HEATR4: variants seen among roughly 807,000 people sequenced by gnomAD.
HEATR4 encodes the protein HEAT repeat containing 4.
In HEATR4, 95 loss-of-function variants were observed where a neutral mutation model predicts 108.8. That is an observed-to-expected ratio of 0.87 (90% CI 0.74 to 1.04). HEATR4 has a LOEUF of 1.04. Among genes scored for constraint, HEATR4 ranks in the 50% least tolerant of loss-of-function variants. The probability of loss-of-function intolerance (pLI) is 0.00; values close to 1 mark genes in which losing one functional copy is unlikely to be tolerated. For missense variants in HEATR4, 1,152 were observed against 1,253.8 expected, an observed-to-expected ratio of 0.92 and a Z score of 1.23; for synonymous variants, 443 against 459.4, an observed-to-expected ratio of 0.96 and a Z score of 0.46.
intron 7 of HEATR4, among the ~76,000 whole-genome samples, chr14:73,510,442 G>GTT (rs534233886): frequency 1.1e-4 from 16 of 146,862 alleles, no homozygotes; most frequent in African/African-American, 2.2e-4. Flanking sequence ...TTTTGTTTTT[G>GTT]TTTTTTTTTT....
At chr14:73,527,560 A>AT (rs1217794701) in intron 2 of HEATR4, among the ~76,000 whole-genome samples, 2 of 151,448 alleles carry the variant, frequency 1.3e-5, no homozygotes, top group East Asian at 1.9e-4. Flanking sequence ...AAAAGAAAAA[A>AT]AATCAAGCAT....
chr14:73,602,854 G>C, the HEATR4 span, among the ~76,000 whole-genome samples: 1 of 152,028 alleles, frequency 6.6e-6, no homozygotes, highest in South Asian at 2.1e-4. Context: ...AAATGCTTCA[G>C]GGGCCCTCTG....
the HEATR4 span, among the ~76,000 whole-genome samples, chr14:73,590,636 C>T: frequency 6.6e-6 from 1 of 152,190 alleles, no homozygotes; most frequent in Non-Finnish European, 1.5e-5. Context: ...GGGGAGGCAG[C>T]TAAGGCCCGC....
At position 73,547,282 on chromosome 14, in the gene HEATR4, G is replaced by A. The variant is rs1889248025; in HGVS notation, c.-152+11469C>T. Among the ~76,000 whole-genome samples the A allele has an allele frequency of 1.7e-5, 2 of 115,496 alleles. 1 individual carries two copies. Among genetic ancestry groups the A allele is most frequent in the African/African-American group, 5.6e-5 (2 of 35,790 alleles). The allele number at this position is 115,496 out of a possible 152,430, so 75.8% of individuals were successfully genotyped here. A position where few individuals can be genotyped will look rare whatever the true frequency, so the allele number is the denominator to read the frequency against. Reference sequence around the variant, plus strand: ...TGTAATCCCAGCTACTCCGGAGGCTGTGGCAGGAGAATCACTTGAAACCGG... The same window carrying A: ...TGTAATCCCAGCTACTCCGGAGGCTATGGCAGGAGAATCACTTGAAACCGG... On this transcript the variant is annotated intron_variant, in intron 1 of 17. Coordinates refer to ENST00000553558, the MANE Select transcript of HEATR4 (RefSeq NM_001220484.1).
the HEATR4 span, among the ~76,000 whole-genome samples, chr14:73,624,367 G>A: frequency 6.6e-6 from 1 of 152,014 alleles, no homozygotes; most frequent in African/African-American, 2.4e-5. Context: ...AACCTCAGGT[G>A]ATCCACCTGC....
At chr14:73,608,003 C>A in the HEATR4 span, among the ~76,000 whole-genome samples, 36 of 151,986 alleles carry the variant, frequency 2.4e-4, no homozygotes, top group African/African-American at 8.4e-4. Flanking sequence ...TGACTCACTG[C>A]AAGCTCCGCC....
the HEATR4 span, among the ~76,000 whole-genome samples, chr14:73,586,800 T>C: frequency 1.3e-5 from 2 of 152,008 alleles, no homozygotes; most frequent in Non-Finnish European, 2.9e-5. Context: ...CAGCCTCAAA[T>C]TTCTGGGCTC....
At chr14:73,608,891 G>A in the HEATR4 span, among the ~76,000 whole-genome samples, 4 of 152,100 alleles carry the variant, frequency 2.6e-5, no homozygotes, top group Non-Finnish European at 4.4e-5. Flanking sequence ...TTCACATGGC[G>A]GCAACAAAAA....
At chr14:73,618,264 A>C in the HEATR4 span, among the ~76,000 whole-genome samples, 1 of 152,194 alleles carries the variant, frequency 6.6e-6, no homozygotes, top group Non-Finnish European at 1.5e-5. Context: ...TTAAGATATA[A>C]GATGTTCTGC....
chr14:73,588,351 C>CATCA, the HEATR4 span, among the ~76,000 whole-genome samples: 10 of 152,156 alleles, frequency 6.6e-5, no homozygotes, highest in African/African-American at 2.2e-4. Context: ...TTCAAAAAGC[C>CATCA]ATCAGTACCG....
the HEATR4 span, among the ~76,000 whole-genome samples, chr14:73,587,937 T>C: frequency 6.6e-6 from 1 of 152,180 alleles, no homozygotes; most frequent in African/African-American, 2.4e-5. Flanking sequence ...AGTCTCCAAC[T>C]TCCAAATTCC....
chr14:73,576,868 T>C, the HEATR4 span, among the ~76,000 whole-genome samples: 1 of 146,768 alleles, frequency 6.8e-6, no homozygotes, highest in Non-Finnish European at 1.5e-5. Flanking sequence ...ATAAACTTGT[T>C]TTTTTTTTAA....
chr14:73,572,757 T>G, the HEATR4 span, among the ~76,000 whole-genome samples: 1 of 147,480 alleles, frequency 6.8e-6, no homozygotes, highest in Non-Finnish European at 1.5e-5. Context: ...GCGATTCTCC[T>G]CCCTCAGCCT....
chr14:73,491,756 C>T (rs879812419), intron 17 of HEATR4: 1 of 1,562,208 alleles, frequency 6.4e-7, no homozygotes, highest in Non-Finnish European at 8.7e-7. Flanking sequence ...TACCGCTGAC[C>T]TGGATTCGAT....
rs1210244503 is a variant in HEATR4 at position 73,489,633 on chromosome 14, TGACA to T, written c.2844+3429_2844+3432del. Among the ~76,000 whole-genome samples the T allele has an allele frequency of 5.3e-5, 8 of 152,340 alleles. 1 individual carries two copies. In the Middle Eastern group the frequency reaches 0.02, roughly 389 times the overall value. On this transcript the variant is annotated intron_variant, in intron 17 of 17. Coordinates refer to ENST00000553558, the MANE Select transcript of HEATR4 (RefSeq NM_001220484.1). Reference sequence around the variant, plus strand: ...TTTATGTACAAAGCAATTAGTTGCATGACAGACAGTGACCACGTTCTCAAAAATT... The same window carrying T: ...TTTATGTACAAAGCAATTAGTTGCATGACAGTGACCACGTTCTCAAAAATT...
rs538257935 is a variant in HEATR4, at chr14:73,500,559, G to A, written c.2277C>T (p.Arg759=). The A allele has an allele frequency of 4.5e-5, 72 of 1,612,644 alleles. No individual in the cohort carries two copies. Among genetic ancestry groups the A allele is most frequent in the East Asian group, 3.3e-4 (15 of 44,850 alleles). The change falls in exon 12 of 18, where the codon CGC becomes CGT. Residue 759 remains arginine, a synonymous_variant. Transcript: ENST00000553558. ...TGTTTCCCTGACTCACCATCTTGTCGCGGATCTGCAGGGCACCAGCTGCCA... is the reference window on the plus strand; with the variant it reads ...TGTTTCCCTGACTCACCATCTTGTCACGGATCTGCAGGGCACCAGCTGCCA... The part of the protein sequence containing the change: ...ACLAAGALQI[R]DKMVLECLLN...
chr14:73,542,427 C>T (rs1288483249), intron 1 of HEATR4, among the ~76,000 whole-genome samples: 2 of 86,484 alleles, frequency 2.3e-5, no homozygotes, highest in African/African-American at 8.4e-5. Flanking sequence ...TTTTTTAAGA[C>T]GGAGTCTTGC....
chr14:73,616,169 T>C, the HEATR4 span, among the ~76,000 whole-genome samples: 1 of 152,138 alleles, frequency 6.6e-6, no homozygotes, highest in Non-Finnish European at 1.5e-5. Flanking sequence ...GGTCTTGTTA[T>C]GTTGCCCAGG....
At chr14:73,577,877 G>C in the HEATR4 span, among the ~76,000 whole-genome samples, 1 of 151,572 alleles carries the variant, frequency 6.6e-6, no homozygotes, top group Non-Finnish European at 1.5e-5. Flanking sequence ...TTGAGACAGA[G>C]TCTCACTCTG....
Sources: allele counts gnomAD v4.1 joint callset (sites outside exome capture counted in the v4.1 genomes callset), GRCh38; gene constraint gnomAD v4.1.1; transcripts MANE v1.5; gene names NCBI Gene and HGNC (gene_info 2026-07-23, HGNC 2026-07-21).